Variants in CSMD1 observed in about 807,000 individuals in gnomAD.
CSMD1 encodes the protein CUB and sushi domain-containing protein 1.
In CSMD1, 213 loss-of-function variants were observed where a neutral mutation model predicts 417.5. That is an observed-to-expected ratio of 0.51 (90% CI 0.46 to 0.57). The LOEUF (loss-of-function observed/expected upper bound fraction) is 0.57. CSMD1 is among the 20% of genes least tolerant of loss of function. The pLI is 0.00. For missense variants in CSMD1, 6,923 were observed against 4,529.7 expected (o/e 1.53, Z -15.17); for synonymous variants, 2,862 against 1,736.8 (o/e 1.65, Z -16.11).
At chr8:4,022,345 G>A (rs1438910700) in intron 4 of CSMD1, among the ~76,000 whole-genome samples, 1 of 151,990 alleles carries the variant, frequency 6.6e-6, no homozygotes, top group Non-Finnish European at 1.5e-5. Flanking sequence ...CAGCAGAAGT[G>A]AATAGCATAC....
intron 3 of CSMD1, among the ~76,000 whole-genome samples, chr8:4,354,572 G>T (rs1261951049): frequency 6.6e-6 from 1 of 152,118 alleles, no homozygotes; most frequent in Non-Finnish European, 1.5e-5. Context: ...ATAGATGGCA[G>T]ACTTCACCGT....
intron 26 of CSMD1, among the ~76,000 whole-genome samples, chr8:3,234,633 C>G (rs1799042887): frequency 6.6e-6 from 1 of 152,186 alleles, no homozygotes; most frequent in Non-Finnish European, 1.5e-5. Context: ...CAGGGAAATC[C>G]AAGCATATTA....
At chr8:4,877,320 T>A (rs1000630358) in intron 1 of CSMD1, among the ~76,000 whole-genome samples, 1 of 152,108 alleles carries the variant, frequency 6.6e-6, no homozygotes, top group Non-Finnish European at 1.5e-5. Flanking sequence ...TTAAAAATTT[T>A]ACATTAATCA....
At chr8:4,910,347 C>G (rs928058867) in intron 1 of CSMD1, among the ~76,000 whole-genome samples, 6 of 152,126 alleles carry the variant, frequency 3.9e-5, no homozygotes, top group African/African-American at 1.4e-4. Flanking sequence ...GTATCTTAGT[C>G]AATTTTGGCT....
rs1029148029 is a variant in CSMD1 at position 2,985,922 on chromosome 8, A to AAGGGG, written c.8378-7127_8378-7123dup. Among the ~76,000 whole-genome samples the AAGGGG allele has an allele frequency of 4.6e-5, 6 of 130,926 alleles. No individual in the cohort carries two copies. The South Asian group carries it at 8.6e-4, about 19-fold the overall frequency. The allele number at this position is 130,926 out of a possible 152,430, so 85.9% of individuals were successfully genotyped here. ...TGATCGAAAAGAAAGAAGGGAAGGG[A>AAGGGG]AGGGGAGGGGAGGGAAGGGAAGGGG... On this transcript the variant is annotated intron_variant, in intron 54 of 69. Transcript: ENST00000635120.
intron 2 of CSMD1, among the ~76,000 whole-genome samples, chr8:4,539,971 C>G (rs1344714522): frequency 2.0e-5 from 3 of 152,188 alleles, no homozygotes; most frequent in Non-Finnish European, 4.4e-5. Context: ...CAGGTGCTGC[C>G]TGCAGATGCC....
chr8:4,486,793 G>T (rs1239142554), intron 2 of CSMD1, among the ~76,000 whole-genome samples: 1 of 152,132 alleles, frequency 6.6e-6, no homozygotes, highest in Non-Finnish European at 1.5e-5. Context: ...CCTGAAAACT[G>T]CCTCTGCTCT....
rs531750250 is a variant in CSMD1, at chr8:4,372,627, G to T, written c.415+47326C>A. On this transcript the variant is annotated intron_variant, in intron 3 of 69. Coordinates refer to ENST00000635120, the MANE Select transcript of CSMD1 (RefSeq NM_033225.6). ...GTTTTTACTGTCAGAAAGTAAGGAA[G>T]TGTTAAAAAAAAAAAAAAAAATCAC... Among the ~76,000 whole-genome samples the T allele has an allele frequency of 6.0e-5, 5 of 82,804 alleles. No individual in the cohort carries two copies. In the East Asian group the frequency reaches 1.2e-3, roughly 19 times the overall value. The allele number at this position is 82,804 out of a possible 152,430, so 54.3% of individuals were successfully genotyped here.
intron 49 of CSMD1, among the ~76,000 whole-genome samples, chr8:3,053,330 G>C (rs1168480295): frequency 2.0e-5 from 3 of 152,148 alleles, no homozygotes; most frequent in Non-Finnish European, 4.4e-5. Flanking sequence ...AAGAAGAAGG[G>C]ATGAAGCAGC....
chr8:4,896,678 A>T (rs192423456), intron 1 of CSMD1, among the ~76,000 whole-genome samples: 3 of 152,230 alleles, frequency 2.0e-5, no homozygotes, highest in Admixed American at 1.3e-4. Flanking sequence ...CGGGGGAAGG[A>T]TTGCATACGT....
chr8:4,783,856 C>G (rs1489727221), intron 1 of CSMD1, among the ~76,000 whole-genome samples: 1 of 152,174 alleles, frequency 6.6e-6, no homozygotes, highest in Non-Finnish European at 1.5e-5. Flanking sequence ...TATCACTCCT[C>G]TAAAGCAAAT....
At chr8:4,557,963 A>G (rs1798170230) in intron 2 of CSMD1, among the ~76,000 whole-genome samples, 1 of 152,174 alleles carries the variant, frequency 6.6e-6, no homozygotes. Flanking sequence ...GATAAATAAT[A>G]AGGTGGCCTT....
intron 59 of CSMD1, among the ~76,000 whole-genome samples, chr8:2,965,338 C>G (rs1334019563): frequency 6.6e-6 from 1 of 152,192 alleles, no homozygotes; most frequent in Non-Finnish European, 1.5e-5. Flanking sequence ...CATCACGGTG[C>G]TAACACTCTC....
intron 3 of CSMD1, among the ~76,000 whole-genome samples, chr8:4,283,201 G>C (rs1796886067): frequency 6.6e-6 from 1 of 152,094 alleles, no homozygotes; most frequent in Non-Finnish European, 1.5e-5. Flanking sequence ...AATTATATAT[G>C]AATATGATTT....
chr8:4,115,376 A>G (rs1489543232), intron 3 of CSMD1, among the ~76,000 whole-genome samples: 1 of 152,250 alleles, frequency 6.6e-6, no homozygotes, highest in Non-Finnish European at 1.5e-5. Context: ...TACTGTGTAC[A>G]CATAATTTTC....
intron 29 of CSMD1, among the ~76,000 whole-genome samples, chr8:3,218,587 T>G (rs2116843394): frequency 7.1e-6 from 1 of 140,148 alleles, no homozygotes; most frequent in South Asian, 2.3e-4. Context: ...AGAAATTATT[T>G]TTGGCTGGGC....
At position 4,362,046 on chromosome 8, in the gene CSMD1, A is replaced by T. The variant is rs573421073; in HGVS notation, c.415+57907T>A. Among the ~76,000 whole-genome samples, 17 of 152,306 alleles carry T rather than the reference A, an allele frequency of 1.1e-4. No individual in the cohort carries two copies. In the East Asian group the frequency reaches 3.1e-3, roughly 28 times the overall value. ...AAGACAAGGATTAGAGGTAGGATAC[A>T]TAAGGAACCTGTGAAAATAAAGGCT... On this transcript the variant is annotated intron_variant, in intron 3 of 69. Coordinates refer to ENST00000635120, the MANE Select transcript of CSMD1 (RefSeq NM_033225.6).
intron 51 of CSMD1, among the ~76,000 whole-genome samples, chr8:3,024,312 T>TG (rs1809691956): frequency 1.1e-5 from 1 of 94,662 alleles, no homozygotes; most frequent in Non-Finnish European, 2.2e-5. Context: ...GGGAGGGCAG[T>TG]GGGGGAGGTT....
At chr8:4,745,477 G>A (rs1340948674) in intron 1 of CSMD1, among the ~76,000 whole-genome samples, 4 of 152,122 alleles carry the variant, frequency 2.6e-5, no homozygotes, top group African/African-American at 7.2e-5. Flanking sequence ...TAACACTGTG[G>A]TATCATATAT....
Sources: allele counts gnomAD v4.1 joint callset (sites outside exome capture counted in the v4.1 genomes callset), GRCh38; gene constraint gnomAD v4.1.1; transcripts MANE v1.5; gene names NCBI Gene and HGNC (gene_info 2026-07-23, HGNC 2026-07-21).